CPNE4: variants seen among roughly 807,000 people sequenced by gnomAD.
CPNE4 encodes copine 4.
Under a neutral mutation model 67.9 loss-of-function variants are expected in CPNE4, and 25 were observed. That is an observed-to-expected ratio of 0.37 (90% CI 0.27 to 0.51). The LOEUF (loss-of-function observed/expected upper bound fraction) is 0.51, where lower values mean the gene tolerates loss of function less well. Ranked by LOEUF, CPNE4 falls within the 20% of genes least tolerant of loss-of-function variation. The probability of loss-of-function intolerance (pLI) is 0.93; values close to 1 mark genes in which losing one functional copy is unlikely to be tolerated. For missense variants in CPNE4, 464 were observed against 690.8 expected, an observed-to-expected ratio of 0.67 and a Z score of 3.68; for synonymous variants, 242 against 244.9, an observed-to-expected ratio of 0.99 and a Z score of 0.11.
At chr3:131,999,922 T>G (rs530056336) in intron 1 of CPNE4, among the ~76,000 whole-genome samples, 1 of 152,012 alleles carries the variant, frequency 6.6e-6, no homozygotes, top group African/African-American at 2.4e-5. Flanking sequence ...TTTCCTCCAT[T>G]CAATTGTTTA....
At chr3:131,703,827 T>C (rs1319429404) in intron 3 of CPNE4, among the ~76,000 whole-genome samples, 1 of 152,180 alleles carries the variant, frequency 6.6e-6, no homozygotes, top group Non-Finnish European at 1.5e-5. Flanking sequence ...TAGAAACAGA[T>C]TAAAAACATC....
chr3:131,732,358 G>A (rs1028499008), intron 2 of CPNE4, among the ~76,000 whole-genome samples: 17 of 152,266 alleles, frequency 1.1e-4, no homozygotes, highest in African/African-American at 3.9e-4. Context: ...AGTGAATATG[G>A]TATCCATTCT....
chr3:131,827,535 A>C (rs1183107681), intron 2 of CPNE4, among the ~76,000 whole-genome samples: 1 of 152,088 alleles, frequency 6.6e-6, no homozygotes, highest in African/African-American at 2.4e-5. Context: ...TATGACCTAA[A>C]CACAATAACC....
chr3:132,003,057 C>T (rs1033590403), intron 1 of CPNE4, among the ~76,000 whole-genome samples: 4 of 152,058 alleles, frequency 2.6e-5, no homozygotes, highest in Non-Finnish European at 5.9e-5. Context: ...CTTTAGGGTA[C>T]AAGAAAAACA....
intron 7 of CPNE4, among the ~76,000 whole-genome samples, chr3:131,650,669 C>A (rs1018861801): frequency 7.4e-6 from 1 of 135,762 alleles, no homozygotes; most frequent in African/African-American, 3.3e-5. Context: ...GGCGTGAACC[C>A]GGGAGGCGGA....
At chr3:131,617,231 A>T (rs969397962) in intron 7 of CPNE4, among the ~76,000 whole-genome samples, 3 of 152,146 alleles carry the variant, frequency 2.0e-5, no homozygotes, top group Non-Finnish European at 4.4e-5. Context: ...GGAAGGGGAG[A>T]TTACTTAACC....
At position 131,703,578 on chromosome 3, in the gene CPNE4, G is replaced by A. The variant is rs564936294; in HGVS notation, c.361-3598C>T. Among the ~76,000 whole-genome samples, 4 of 152,226 alleles carry A rather than the reference G, an allele frequency of 2.6e-5. No individual in the cohort carries two copies. The East Asian group carries it at 7.7e-4, about 29-fold the overall frequency. ...AGAAAAATGCACTGTTTCATTAAGT[G>A]GGAACAAAGCAAGGAGAATAAACTG... On this transcript the variant is annotated intron_variant, in intron 3 of 15. Transcript: ENST00000429747.
At chr3:131,611,998 G>A (rs945684005) in intron 7 of CPNE4, among the ~76,000 whole-genome samples, 1 of 152,144 alleles carries the variant, frequency 6.6e-6, no homozygotes, top group Admixed American at 6.6e-5. Flanking sequence ...TTCTTTGCCT[G>A]TGATAGCTAT....
intron 2 of CPNE4, among the ~76,000 whole-genome samples, chr3:131,727,886 G>T (rs916564699): frequency 6.6e-6 from 1 of 151,910 alleles, no homozygotes; most frequent in Admixed American, 6.6e-5. Flanking sequence ...AATCTTTCAC[G>T]CAATTATTTT....
At chr3:131,606,190 C>T (rs1249354565) in intron 7 of CPNE4, among the ~76,000 whole-genome samples, 1 of 152,172 alleles carries the variant, frequency 6.6e-6, no homozygotes, top group East Asian at 1.9e-4. Context: ...GTGGGATTTA[C>T]TGACAGACAG....
At chr3:131,999,241 T>TAAAAAAGAAAAAAAAAAAAAAAAA (rs2073367980) in intron 1 of CPNE4, among the ~76,000 whole-genome samples, 1 of 98,834 alleles carries the variant, frequency 1.0e-5, no homozygotes, top group Non-Finnish European at 1.9e-5. Flanking sequence ...TTATCCAAGG[T>TAAAAAAGAAAAAAAAAAAAAAAAA]AAAAAAAAAA....
chr3:131,949,872 A>G (rs1206873515), intron 1 of CPNE4, among the ~76,000 whole-genome samples: 1 of 152,120 alleles, frequency 6.6e-6, no homozygotes, highest in East Asian at 1.9e-4. Context: ...AAATGCTAGC[A>G]CTGAGGGTAC....
At chr3:131,931,883 A>G (rs1158997687) in intron 1 of CPNE4, among the ~76,000 whole-genome samples, 3 of 152,146 alleles carry the variant, frequency 2.0e-5, no homozygotes, top group African/African-American at 7.2e-5. Flanking sequence ...GCCAGTTCTA[A>G]TATTATATTA....
At chr3:131,916,815 A>C (rs1379718334) in intron 1 of CPNE4, among the ~76,000 whole-genome samples, 2 of 152,318 alleles carry the variant, frequency 1.3e-5, no homozygotes, top group Middle Eastern at 3.4e-3. Flanking sequence ...TTGAAATAGC[A>C]ACTTGTGGCT....
chr3:131,869,388 T>C (rs943204421), intron 2 of CPNE4, among the ~76,000 whole-genome samples: 6 of 152,182 alleles, frequency 3.9e-5, no homozygotes, highest in Admixed American at 2.6e-4. Flanking sequence ...TTTTTTCTCT[T>C]GTAGATAAAA....
At chr3:131,966,370 A>G (rs2072345175) in intron 1 of CPNE4, among the ~76,000 whole-genome samples, 1 of 152,006 alleles carries the variant, frequency 6.6e-6, no homozygotes, top group Admixed American at 6.6e-5. Flanking sequence ...AATAACCAAG[A>G]CAGAGCAGAA....
chr3:131,696,577 C>G lies in CPNE4; in HGVS notation c.472G>C (p.Glu158Gln). 6.2e-7 allele frequency: 1 copy of G among 1,613,988 alleles called. No individual in the cohort carries two copies. Among genetic ancestry groups the G allele is most frequent in the Non-Finnish European group, 8.5e-7 (1 of 1,179,932 alleles). ...EELSGNDDYV[E>Q]LAFNARKLDD... ...AATTTCCGTGCATTGAATGCAAGCT[C>G]AACATAGTCGTCATTGCCAGATAAT... The change falls in exon 5 of 16, where the codon GAG becomes CAG. Residue 158 changes from glutamate to glutamine, a missense_variant. By Grantham distance (29) the Glu-to-Gln change is conservative (BLOSUM62 2). Coordinates refer to ENST00000429747, the MANE Select transcript of CPNE4 (RefSeq NM_130808.3).
chr3:131,626,875 C>T (rs939822445), intron 7 of CPNE4, among the ~76,000 whole-genome samples: 2 of 152,114 alleles, frequency 1.3e-5, no homozygotes, highest in East Asian at 1.9e-4. Flanking sequence ...TCACTGGCCA[C>T]GCTGAAAATC....
chr3:131,577,294 CACAT>C (rs1429137523), intron 9 of CPNE4, among the ~76,000 whole-genome samples: 2 of 152,088 alleles, frequency 1.3e-5, no homozygotes, highest in East Asian at 1.9e-4. Flanking sequence ...CATAAACACA[CACAT>C]ACACACACGT....
Sources: allele counts gnomAD v4.1 joint callset (sites outside exome capture counted in the v4.1 genomes callset), GRCh38; gene constraint gnomAD v4.1.1; transcripts MANE v1.5; gene names NCBI Gene and HGNC (gene_info 2026-07-23, HGNC 2026-07-21).